The following NDUFV2 variants were observed in gnomAD, a reference collection of about 807,000 sequenced individuals.
NDUFV2 encodes NADH dehydrogenase [ubiquinone] flavoprotein 2, mitochondrial.
NDUFV2 carries 18 observed loss-of-function variants against 31.6 expected under a neutral mutation model. That is an observed-to-expected ratio of 0.57 (90% CI 0.39 to 0.84). The LOEUF is 0.84. NDUFV2 is among the 40% of genes least tolerant of loss of function. The pLI, the probability that NDUFV2 is intolerant of heterozygous loss-of-function variation, is 0.00. For missense variants in NDUFV2, 314 were observed against 303.6 expected (o/e 1.03, Z -0.26); for synonymous variants, 83 against 99.8 (o/e 0.83, Z 1.01).
intron 1 of NDUFV2, among the ~76,000 whole-genome samples, chr18:9,112,243 T>C (rs954588061): frequency 1.9e-4 from 29 of 151,904 alleles, no homozygotes; most frequent in African/African-American, 6.3e-4. Flanking sequence ...GATCTCGAAC[T>C]CCTGACTTTG....
chr18:9,103,109 C>T (rs2077823349), intron 1 of NDUFV2: 1 of 411,328 alleles, frequency 2.4e-6, no homozygotes, highest in Non-Finnish European at 4.3e-6. Context: ...TCTAGGCCTG[C>T]TCTGGCCAGA....
At chr18:9,127,476 T>A (rs1388494399) in intron 7 of NDUFV2, among the ~76,000 whole-genome samples, 1 of 152,220 alleles carries the variant, frequency 6.6e-6, no homozygotes, top group Non-Finnish European at 1.5e-5. Context: ...TATTTATTTA[T>A]ATTTTGAGAC....
At chr18:9,116,984 A>G (rs1389861120) in intron 1 of NDUFV2, among the ~76,000 whole-genome samples, 1 of 152,124 alleles carries the variant, frequency 6.6e-6, no homozygotes, top group African/African-American at 2.4e-5. Context: ...ATTCCTTCCA[A>G]AGCAACTGAA....
At position 9,125,113 on chromosome 18, in the gene NDUFV2, T is replaced by G. The variant is rs148477073; in HGVS notation, c.579+130T>G. On this transcript the variant is annotated intron_variant, in intron 6 of 7. Coordinates refer to ENST00000318388, the MANE Select transcript of NDUFV2 (RefSeq NM_021074.5). ...TTAGAAGAAATGGTTACCATAAATA[T>G]CCAGGTTTTAAAAAATTCTTTAAAC... 8,302 of 1,014,838 alleles carry G rather than the reference T, an allele frequency of 8.2e-3. 55 individuals carry two copies. The highest frequency in any genetic ancestry group is 0.022 in the Middle Eastern group (84 of 3,878). The allele number at this position is 1,014,838 out of a possible 1,614,324, so 62.9% of individuals were successfully genotyped here. A position where few individuals can be genotyped will look rare whatever the true frequency, so the allele number is the denominator to read the frequency against.
At chr18:9,106,008 C>T (rs1176678950) in intron 1 of NDUFV2, among the ~76,000 whole-genome samples, 1 of 152,124 alleles carries the variant, frequency 6.6e-6, no homozygotes, top group Non-Finnish European at 1.5e-5. Flanking sequence ...GCTCTAGATC[C>T]TGTTTTATTC....
At chr18:9,131,790 A>C (rs1402666444) in intron 7 of NDUFV2, among the ~76,000 whole-genome samples, 1 of 152,182 alleles carries the variant, frequency 6.6e-6, no homozygotes, top group Non-Finnish European at 1.5e-5. Flanking sequence ...TTTAGTGAAG[A>C]TGTAATTATT....
chr18:9,116,233 TAGG>T (rs1167930734), intron 1 of NDUFV2, among the ~76,000 whole-genome samples: 2 of 152,162 alleles, frequency 1.3e-5, no homozygotes, highest in Non-Finnish European at 2.9e-5. Context: ...GAAAAGAAGA[TAGG>T]AGTGTGAACT....
chr18:9,128,700 A>C (rs745932542), intron 7 of NDUFV2, among the ~76,000 whole-genome samples: 2 of 152,186 alleles, frequency 1.3e-5, no homozygotes, highest in South Asian at 4.1e-4. Context: ...TACAAATTTC[A>C]TAATATTTTC....
chr18:9,115,075 T>C (rs2077891237), intron 1 of NDUFV2, among the ~76,000 whole-genome samples: 5 of 152,210 alleles, frequency 3.3e-5, no homozygotes, highest in Admixed American at 3.3e-4. Context: ...GGTTTTACAA[T>C]AGAGATAAGT....
intron 6 of NDUFV2, chr18:9,126,577 A>G: frequency 4.5e-6 from 2 of 444,732 alleles, no homozygotes; most frequent in South Asian, 2.3e-5. Flanking sequence ...CTTGGTAACT[A>G]TCTTGTGAGC....
chr18:9,116,133 A>G (rs866400945), intron 1 of NDUFV2, among the ~76,000 whole-genome samples: 33 of 152,334 alleles, frequency 2.2e-4, no homozygotes, highest in African/African-American at 7.0e-4. Context: ...TCTTCAGGCT[A>G]TTAGCCTCTT....
intron 4 of NDUFV2, 129 bp downstream of exon 4, chr18:9,119,719 A>G: frequency 1.3e-6 from 1 of 770,818 alleles, no homozygotes; most frequent in Non-Finnish European, 2.2e-6. Flanking sequence ...AGCCATTTGT[A>G]TGTTTCCTTG....
At chr18:9,128,153 A>G (rs1023004745) in intron 7 of NDUFV2, among the ~76,000 whole-genome samples, 24 of 152,112 alleles carry the variant, frequency 1.6e-4, no homozygotes, top group African/African-American at 5.8e-4. Context: ...TTCTTCCCTC[A>G]GCACATTTGG....
intron 1 of NDUFV2, among the ~76,000 whole-genome samples, chr18:9,110,520 C>T (rs1239833221): frequency 6.6e-6 from 1 of 152,040 alleles, no homozygotes. Flanking sequence ...TTACTTACTA[C>T]TTTTTTGAGA....
intron 1 of NDUFV2, among the ~76,000 whole-genome samples, chr18:9,114,844 C>T (rs975228359): frequency 6.6e-6 from 1 of 152,206 alleles, no homozygotes; most frequent in Non-Finnish European, 1.5e-5. Flanking sequence ...CTTTACAAGT[C>T]AGCAAGAGAA....
chr18:9,110,114 T>C (rs534760885), intron 1 of NDUFV2, among the ~76,000 whole-genome samples: 2 of 151,612 alleles, frequency 1.3e-5, no homozygotes, highest in South Asian at 4.1e-4. Context: ...AAGACTAGAC[T>C]GTACTCAAAG....
At chr18:9,104,893 T>C in intron 1 of NDUFV2, 1 of 1,483,170 alleles carries the variant, frequency 6.7e-7, no homozygotes, top group Non-Finnish European at 9.1e-7. Context: ...TCCATTGTCT[T>C]GTCAACCTGG....
At chr18:9,115,716 G>C (rs1008454009) in intron 1 of NDUFV2, 1 of 152,168 alleles carries the variant, frequency 6.6e-6, no homozygotes, top group African/African-American at 2.4e-5. Flanking sequence ...AAATTATCCA[G>C]ACGTAGTGGC....
intron 1 of NDUFV2, among the ~76,000 whole-genome samples, chr18:9,113,157 G>A (rs1328815994): frequency 6.6e-6 from 1 of 152,156 alleles, no homozygotes; most frequent in Non-Finnish European, 1.5e-5. Context: ...TACTTGATAG[G>A]TATTTAATGC....
Sources: allele counts gnomAD v4.1 joint callset (sites outside exome capture counted in the v4.1 genomes callset), GRCh38; gene constraint gnomAD v4.1.1; transcripts MANE v1.5; gene names NCBI Gene and HGNC (gene_info 2026-07-23, HGNC 2026-07-21).